PTP4A1: variants seen among roughly 807,000 people sequenced by gnomAD.
PTP4A1 encodes protein tyrosine phosphatase type IVA 1.
In PTP4A1, 9 loss-of-function variants were observed where a neutral mutation model predicts 20.5. That is an observed-to-expected ratio of 0.44 (90% CI 0.26 to 0.77). PTP4A1 has a LOEUF of 0.77. Among genes scored for constraint, PTP4A1 ranks in the 30% least tolerant of loss-of-function variants. PTP4A1 has a pLI of 0.19. For synonymous variants in PTP4A1, 78 were observed against 67.4 expected (o/e 1.16, Z -0.77); for missense variants, 137 against 218.8 (o/e 0.63, Z 2.36).
intron 2 of PTP4A1, chr6:63,549,143 A>G: frequency 1.5e-6 from 1 of 686,634 alleles, no homozygotes; most frequent in Non-Finnish European, 2.6e-6. Context: ...CTTTGCCAGC[A>G]GCTTTCTTTT....
intron 3 of PTP4A1, among the ~76,000 whole-genome samples, chr6:63,564,158 C>T (rs1300254989): frequency 6.6e-6 from 1 of 151,900 alleles, no homozygotes; most frequent in Non-Finnish European, 1.5e-5. Flanking sequence ...GCCTGGTAAT[C>T]CTAGCTGCTT....
At chr6:63,573,817 A>C (rs953340573) in intron 1 of PTP4A1, among the ~76,000 whole-genome samples, 6 of 152,082 alleles carry the variant, frequency 3.9e-5, no homozygotes, top group African/African-American at 1.4e-4. Flanking sequence ...ACTGACGCGA[A>C]GGACTTCCCG....
At chr6:63,570,563 T>C (rs1379871134), upstream of PTP4A1, among the ~76,000 whole-genome samples, 4 of 152,210 alleles carry the variant, frequency 2.6e-5, no homozygotes, top group African/African-American at 4.8e-5. Flanking sequence ...ATCACAAGGC[T>C]CACAACTTGT....
chr6:63,533,832 TTTAATTAA>T (rs112434008), intron 2 of PTP4A1, among the ~76,000 whole-genome samples: 3 of 149,768 alleles, frequency 2.0e-5, no homozygotes, highest in Non-Finnish European at 3.0e-5. Context: ...AACAAACTTT[TTTAATTAA>T]TTAATTAATT....
At chr6:63,532,310 A>T (rs967509434) in intron 2 of PTP4A1, among the ~76,000 whole-genome samples, 1 of 152,164 alleles carries the variant, frequency 6.6e-6, no homozygotes, top group African/African-American at 2.4e-5. Flanking sequence ...ATCTCTATTA[A>T]GTTGTTTTTT....
intron 2 of PTP4A1, among the ~76,000 whole-genome samples, chr6:63,537,868 G>T (rs1211293): frequency 2.6e-5 from 4 of 151,950 alleles, no homozygotes; most frequent in Non-Finnish European, 4.4e-5. Flanking sequence ...GGCCACGGCC[G>T]TAGTGAGAGA....
intron 2 of PTP4A1, among the ~76,000 whole-genome samples, chr6:63,543,845 C>T (rs1279430306): frequency 6.6e-6 from 1 of 152,190 alleles, no homozygotes; most frequent in African/African-American, 2.4e-5. Flanking sequence ...TCTTTTAGAT[C>T]CCCAAACAAA....
chr6:63,549,723 AT>A (rs1413298610), intron 2 of PTP4A1, among the ~76,000 whole-genome samples: 4 of 152,076 alleles, frequency 2.6e-5, no homozygotes, highest in Non-Finnish European at 2.9e-5. Flanking sequence ...TTAAACACAG[AT>A]TGTTCTCACT....
At chr6:63,552,542 G>A (rs1049400324) in intron 3 of PTP4A1, among the ~76,000 whole-genome samples, 3 of 152,170 alleles carry the variant, frequency 2.0e-5, no homozygotes, top group Non-Finnish European at 4.4e-5. Context: ...AGTTTAATTA[G>A]ATCCCATTTG....
chr6:63,534,990 G>T (rs1053902914), intron 2 of PTP4A1, among the ~76,000 whole-genome samples: 2 of 152,024 alleles, frequency 1.3e-5, no homozygotes, highest in Admixed American at 1.3e-4. Context: ...AACCCAGGAG[G>T]CAGAGGTTGC....
intron 3 of PTP4A1, among the ~76,000 whole-genome samples, chr6:63,560,754 C>CA (rs1472867502): frequency 2.6e-5 from 4 of 152,106 alleles, no homozygotes; most frequent in African/African-American, 9.7e-5. Context: ...GTTACCCTGT[C>CA]AAATCGCTGT....
intron 3 of PTP4A1, among the ~76,000 whole-genome samples, chr6:63,553,093 G>T (rs1248018356): frequency 1.3e-5 from 2 of 152,148 alleles, no homozygotes; most frequent in Admixed American, 1.3e-4. Flanking sequence ...GTAGTAGAGA[G>T]AATGTATATC....
At chr6:63,549,444 C>T (rs1340488060) in intron 2 of PTP4A1, 6 of 783,502 alleles carry the variant, frequency 7.7e-6, no homozygotes, top group Non-Finnish European at 1.4e-5. Flanking sequence ...TCTTAACCTC[C>T]TGCTTCTTCA....
At chr6:63,572,397 G>A (rs1378378267), upstream of PTP4A1, 3 of 339,242 alleles carry the variant, frequency 8.8e-6, no homozygotes, top group Non-Finnish European at 1.6e-5. Flanking sequence ...TCGGCTCCTG[G>A]CCCGCGGTTC....
chr6:63,561,214 T>G (rs374530308), intron 3 of PTP4A1, among the ~76,000 whole-genome samples: 22 of 152,330 alleles, frequency 1.4e-4, no homozygotes, highest in African/African-American at 4.8e-4. Context: ...GAATTCCAGC[T>G]GCATCACATA....
At chr6:63,532,645 C>T (rs148522338) in intron 2 of PTP4A1, among the ~76,000 whole-genome samples, 34 of 152,158 alleles carry the variant, frequency 2.2e-4, no homozygotes, top group Middle Eastern at 6.8e-3. Context: ...AGCTTTCAAC[C>T]GAAGAGCAAG....
rs779426223 is a variant in PTP4A1, at chr6:63,576,972, A to G, written c.92A>G (p.Asn31Ser). The G allele has an allele frequency of 1.1e-5, 18 of 1,610,436 alleles. No individual in the cohort carries two copies. The Admixed American group carries it at 2.8e-4, about 25-fold the overall frequency. Residue 31 changes from asparagine to serine, a missense_variant, in exon 2 of 6, where the codon AAC becomes AGC. Transcript: ENST00000626021. ...ITHNPTNATL[N>S]KFIEELKKYG... ...CACAATCCAACCAATGCGACCTTAA[A>G]CAAATTTATAGAGGTAAGATTTGAT...
chr6:63,562,293 G>A (rs1376303581), intron 3 of PTP4A1, among the ~76,000 whole-genome samples: 4 of 150,456 alleles, frequency 2.7e-5, no homozygotes, highest in South Asian at 2.1e-4. Context: ...TTCGCCTCCC[G>A]GGTTCAAGTG....
chr6:63,549,587 C>A (rs1776347466), intron 2 of PTP4A1: 1 of 598,578 alleles, frequency 1.7e-6, no homozygotes, highest in Non-Finnish European at 2.9e-6. Context: ...TAAAGAAAAC[C>A]TTTATGTGAT....
Sources: allele counts gnomAD v4.1 joint callset (sites outside exome capture counted in the v4.1 genomes callset), GRCh38; gene constraint gnomAD v4.1.1; transcripts MANE v1.5; gene names NCBI Gene and HGNC (gene_info 2026-07-23, HGNC 2026-07-21).